Variants in DNAI3 observed in about 807,000 individuals in gnomAD.
DNAI3 encodes WD repeat domain 63.
In DNAI3, 83 loss-of-function variants were observed where a neutral mutation model predicts 115.5. That is an observed-to-expected ratio of 0.72 (90% CI 0.60 to 0.86). The LOEUF (loss-of-function observed/expected upper bound fraction) is 0.86. Among genes scored for constraint, DNAI3 ranks in the 40% least tolerant of loss-of-function variants. The pLI is 0.00. For synonymous variants in DNAI3, 320 were observed against 347.0 expected, an observed-to-expected ratio of 0.92 and a Z score of 0.86; for missense variants, 1,004 against 1,075.8, an observed-to-expected ratio of 0.93 and a Z score of 0.93.
chr1:85,101,101 A>C (rs1002299606), intron 13 of DNAI3, among the ~76,000 whole-genome samples: 2 of 150,542 alleles, frequency 1.3e-5, no homozygotes, highest in Non-Finnish European at 2.9e-5. Flanking sequence ...GTGCACATGT[A>C]CCCTAAAACT....
chr1:85,115,418 T>C (rs1242021686), intron 16 of DNAI3, among the ~76,000 whole-genome samples: 2 of 152,202 alleles, frequency 1.3e-5, no homozygotes, highest in Non-Finnish European at 2.9e-5. Context: ...GAGGACTGAA[T>C]GAAATGGTTC....
chr1:85,103,924 TAATAATAA>T (rs1655405599), intron 13 of DNAI3, among the ~76,000 whole-genome samples: 2 of 146,488 alleles, frequency 1.4e-5, no homozygotes, highest in Non-Finnish European at 3.0e-5. Context: ...ATAATAATAA[TAATAATAA>T]TTTATGAATA....
At chr1:85,104,643 G>GT (rs1411263292) in intron 14 of DNAI3, 46 bp downstream of exon 14, 1 of 1,544,376 alleles carries the variant, frequency 6.5e-7, no homozygotes, top group Admixed American at 1.7e-5. Flanking sequence ...CATACATGGT[G>GT]TTTTTTCTTC....
chr1:85,110,047 G>C lies in DNAI3; in HGVS notation c.1699-1G>C. On this transcript the variant is annotated splice_acceptor_variant, in intron 15 of 22. Transcript: ENST00000294664. LOFTEE classifies it high-confidence loss of function. Reference sequence around the variant, plus strand: ...ATCTTTGCTATATGTTCTCCCAAAAGGTAAGGCTGTCCAAGGGTGAAACAA... The same window carrying C: ...ATCTTTGCTATATGTTCTCCCAAAACGTAAGGCTGTCCAAGGGTGAAACAA... The C allele has an allele frequency of 6.2e-7, 1 of 1,612,790 alleles. No homozygotes were observed. The highest frequency in any genetic ancestry group is 2.2e-5 in the East Asian group (1 of 44,810).
chr1:85,095,815 G>T, intron 10 of DNAI3, 116 bp from the exon 11 acceptor site: 1 of 960,248 alleles, frequency 1.0e-6, no homozygotes, highest in Non-Finnish European at 1.6e-6. Flanking sequence ...GACTCTCTAC[G>T]CACCTTGCTT....
At chr1:85,114,049 T>C (rs923366827) in intron 16 of DNAI3, among the ~76,000 whole-genome samples, 2 of 147,798 alleles carry the variant, frequency 1.4e-5, no homozygotes, top group Non-Finnish European at 3.0e-5. Flanking sequence ...AGTCTTGCTC[T>C]GTCGCCCAGG....
At chr1:85,082,638 G>T (rs1453906006) in intron 5 of DNAI3, among the ~76,000 whole-genome samples, 2 of 152,094 alleles carry the variant, frequency 1.3e-5, no homozygotes, top group Non-Finnish European at 2.9e-5. Context: ...TGGAGATGAG[G>T]TCTCATATGT....
intron 17 of DNAI3, among the ~76,000 whole-genome samples, chr1:85,118,713 TC>T (rs947576504): frequency 2.0e-5 from 3 of 152,086 alleles, no homozygotes; most frequent in African/African-American, 7.2e-5. Flanking sequence ...GGTCCCTCTC[TC>T]CTCAAGGCAC....
intron 16 of DNAI3, among the ~76,000 whole-genome samples, chr1:85,112,675 T>A (rs995162723): frequency 6.6e-6 from 1 of 152,250 alleles, no homozygotes; most frequent in Non-Finnish European, 1.5e-5. Flanking sequence ...TGACTTAAGT[T>A]GTCAAGCAAA....
At chr1:85,114,398 T>C (rs1655754358) in intron 16 of DNAI3, among the ~76,000 whole-genome samples, 1 of 152,238 alleles carries the variant, frequency 6.6e-6, no homozygotes, top group Admixed American at 6.5e-5. Flanking sequence ...TTAGACATAC[T>C]GAGTTTTCTA....
At chr1:85,123,054 G>A (rs1439186021) in intron 18 of DNAI3, among the ~76,000 whole-genome samples, 1 of 152,200 alleles carries the variant, frequency 6.6e-6, no homozygotes, top group Non-Finnish European at 1.5e-5. Context: ...GAAGGACTGT[G>A]GCTCTTGTCA....
intron 1 of DNAI3, among the ~76,000 whole-genome samples, chr1:85,063,304 A>G (rs534457151): frequency 8.4e-5 from 12 of 143,456 alleles, no homozygotes; most frequent in Non-Finnish European, 1.5e-4. Flanking sequence ...AAGCAGAGAG[A>G]TGCCTGCATG....
chr1:85,126,483 A>AT (rs1268051904), intron 19 of DNAI3, 28 bp from the exon 20 acceptor site: 1 of 1,590,378 alleles, frequency 6.3e-7, no homozygotes, highest in Non-Finnish European at 8.6e-7. Context: ...AATCTTCTTT[A>AT]TTTGTCTTTT....
At chr1:85,124,639 T>G (rs1656079881) in intron 19 of DNAI3, among the ~76,000 whole-genome samples, 1 of 152,136 alleles carries the variant, frequency 6.6e-6, no homozygotes, top group African/African-American at 2.4e-5. Context: ...CAGTTGATTC[T>G]CCCATCTCAG....
intron 1 of DNAI3, among the ~76,000 whole-genome samples, chr1:85,071,244 C>A (rs912979777): frequency 1.3e-5 from 2 of 152,182 alleles, no homozygotes; most frequent in Admixed American, 1.3e-4. Context: ...GCTGGCCAGG[C>A]TCCTGCAGTC....
At chr1:85,097,722 T>C in intron 12 of DNAI3, 67 bp downstream of exon 12, 1 of 1,374,210 alleles carries the variant, frequency 7.3e-7, no homozygotes, top group Non-Finnish European at 9.9e-7. Context: ...AAGTACATAA[T>C]ATAGTTGCCA....
In DNAI3 at chr1:85,085,828, C is replaced by T. The variant is rs1210073026; in HGVS notation, c.541-3C>T. Reference sequence around the variant, plus strand: ...TTACCTTTACTGTTTACATGTGTTACAGATTACATATATGATTTCTCGAAA... The same window carrying T: ...TTACCTTTACTGTTTACATGTGTTATAGATTACATATATGATTTCTCGAAA... On this transcript the variant is annotated splice_region_variant and splice_polypyrimidine_tract_variant and intron_variant, in intron 6 of 22. Coordinates refer to ENST00000294664, the MANE Select transcript of DNAI3 (RefSeq NM_145172.5). 1.2e-6 allele frequency: 2 copies of T among 1,613,132 alleles called. No homozygotes were observed. Among genetic ancestry groups the T allele is most frequent in the South Asian group, 1.1e-5 (1 of 91,040 alleles).
intron 14 of DNAI3, among the ~76,000 whole-genome samples, chr1:85,106,606 C>T (rs1213087276): frequency 6.6e-6 from 1 of 152,168 alleles, no homozygotes; most frequent in Non-Finnish European, 1.5e-5. Context: ...AGTTGGAGGA[C>T]TCACACTTCC....
At position 85,132,943 on chromosome 1, in the gene DNAI3, T is replaced by C; in HGVS notation, c.2621T>C (p.Ile874Thr). 6.2e-7 allele frequency: 1 copy of C among 1,614,026 alleles called. No individual in the cohort carries two copies. The highest frequency in any genetic ancestry group is 8.5e-7 in the Non-Finnish European group (1 of 1,179,940). The part of the protein sequence containing the change: ...SYLELEKTVL[I>T]NLGLIKVTEK... ...CTGGAACTGGAAAAGACTGTTCTTA[T>C]CAACCTTGGCCTAATCAAAGTCACA... The change falls in exon 23 of 23, where the codon ATC becomes ACC. Residue 874 changes from isoleucine (I) to threonine (T), a missense_variant. Around this residue, in one of 3 missense-constraint regions of DNAI3, gnomAD observed 429 missense variants for 454.3 expected, o/e 0.94. Transcript: ENST00000294664.
Sources: gnomAD v4.1 joint callset for allele counts (sites outside exome capture counted in the v4.1 genomes callset) on GRCh38, gnomAD v4.1.1 for gene constraint, gnomAD v4.1.1 regional missense constraint, MANE v1.5 for transcripts, NCBI Gene and HGNC (gene_info 2026-07-23, HGNC 2026-07-21) for gene names.